Variants in TACR3 observed in about 807,000 individuals in gnomAD.
TACR3 encodes the protein tachykinin receptor 3, also known as neuromedin-K receptor.
TACR3 carries 34 observed loss-of-function variants against 35.0 expected under a neutral mutation model. The observed-to-expected ratio is 0.97, with a 90% CI of 0.74 to 1.30. TACR3 has a LOEUF of 1.30. TACR3 is among the 50% of genes most tolerant of loss of function. The pLI, the probability that TACR3 is intolerant of heterozygous loss-of-function variation, is 0.00. For missense variants in TACR3, 558 were observed against 591.7 expected (o/e 0.94, Z 0.59); for synonymous variants, 233 against 221.1 (o/e 1.05, Z -0.48).
At chr4:103,638,710 C>A (rs1725270525) in intron 3 of TACR3, among the ~76,000 whole-genome samples, 1 of 152,128 alleles carries the variant, frequency 6.6e-6, no homozygotes, top group Admixed American at 6.5e-5. Context: ...GGGCTACTAT[C>A]CAGAATCTAC....
chr4:103,595,403 C>A (rs1025702466), intron 3 of TACR3, among the ~76,000 whole-genome samples: 4 of 151,960 alleles, frequency 2.6e-5, no homozygotes, highest in Non-Finnish European at 5.9e-5. Flanking sequence ...GTAATGTAGC[C>A]CTTACAAAGT....
rs1267418438 is a variant in TACR3, at chr4:103,629,635, A to G, written c.888+26559T>C. On this transcript the variant is annotated intron_variant, in intron 3 of 4. Coordinates refer to ENST00000304883, the MANE Select transcript of TACR3 (RefSeq NM_001059.3). ...ACTACAAACCACTGCTCAATGAAATAAAAGAGTACACAAACAAATGGAAGA... is the reference window on the plus strand; with the variant it reads ...ACTACAAACCACTGCTCAATGAAATGAAAGAGTACACAAACAAATGGAAGA... 3.3e-5 allele frequency among the ~76,000 whole-genome samples: 5 copies of G among 152,246 alleles called. No individual in the cohort carries two copies. In the East Asian group the frequency reaches 9.7e-4, roughly 29 times the overall value.
In TACR3 at chr4:103,591,523, A is replaced by G. The variant is rs779352098; in HGVS notation, c.1049T>C (p.Met350Thr). Residue 350 changes from methionine to threonine, a missense_variant, in exon 4 of 5, where the codon ATG becomes ACG. Coordinates refer to ENST00000304883, the MANE Select transcript of TACR3 (RefSeq NM_001059.3). The stretch of plus-strand genomic sequence containing the variant: ...ACAGCAGTAGATGATGGGATTGTAC[A>G]TGGTTGAGCTCATTGCCAGCCAAAA... ...ASFWLAMSST[M>T]YNPIIYCCLN... 3 of 1,613,770 alleles carry G rather than the reference A, an allele frequency of 1.9e-6. No individual in the cohort carries two copies. Among genetic ancestry groups the G allele is most frequent in the Non-Finnish European group, 2.5e-6 (3 of 1,179,836 alleles).
intron 3 of TACR3, among the ~76,000 whole-genome samples, chr4:103,626,644 T>C (rs895817706): frequency 4.6e-5 from 7 of 152,164 alleles, no homozygotes; most frequent in South Asian, 4.1e-4. Context: ...TTATATTTGA[T>C]GTTGATAAAT....
At chr4:103,617,367 T>C (rs1312937390) in intron 3 of TACR3, among the ~76,000 whole-genome samples, 1 of 152,198 alleles carries the variant, frequency 6.6e-6, no homozygotes, top group Non-Finnish European at 1.5e-5. Context: ...AAACATTTCA[T>C]TTTAATCATG....
intron 1 of TACR3, 30 bp downstream of exon 1, chr4:103,719,098 C>T (rs1263263710): frequency 6.2e-7 from 1 of 1,613,742 alleles, no homozygotes; most frequent in Non-Finnish European, 8.5e-7. Flanking sequence ...TCCCTTCTCC[C>T]TCTTTCCTCT....
intron 1 of TACR3, among the ~76,000 whole-genome samples, chr4:103,666,533 C>A (rs1725939235): frequency 6.6e-6 from 1 of 152,064 alleles, no homozygotes; most frequent in South Asian, 2.1e-4. Flanking sequence ...ATTGCTAATG[C>A]ATGAATGCTT....
chr4:103,670,718 G>A (rs963195696), intron 1 of TACR3, among the ~76,000 whole-genome samples: 21 of 151,856 alleles, frequency 1.4e-4, no homozygotes, highest in African/African-American at 5.1e-4. Flanking sequence ...TTCATTTTTA[G>A]TGGAGTCTTT....
At chr4:103,696,283 T>C (rs1218186489) in intron 1 of TACR3, among the ~76,000 whole-genome samples, 1 of 152,166 alleles carries the variant, frequency 6.6e-6, no homozygotes, top group Non-Finnish European at 1.5e-5. Flanking sequence ...AATACAATTT[T>C]CCTGTAATCT....
chr4:103,631,279 A>G (rs1021747312), intron 3 of TACR3, among the ~76,000 whole-genome samples: 1 of 152,138 alleles, frequency 6.6e-6, no homozygotes, highest in Non-Finnish European at 1.5e-5. Context: ...ATACCTGTGT[A>G]TCAACACTGC....
At chr4:103,638,396 G>A (rs562289329) in intron 3 of TACR3, among the ~76,000 whole-genome samples, 4,254 of 151,940 alleles carry the variant, frequency 0.028, 74 homozygotes, top group Admixed American at 0.043. Context: ...TATGTAGAAA[G>A]CTGAAACTGG....
intron 3 of TACR3, among the ~76,000 whole-genome samples, chr4:103,646,494 A>G (rs1289318389): frequency 6.6e-6 from 1 of 151,968 alleles, no homozygotes; most frequent in Admixed American, 6.6e-5. Context: ...ATGTCCAATC[A>G]TACAGCTGTT....
chr4:103,613,570 G>A (rs564898005), intron 3 of TACR3, among the ~76,000 whole-genome samples: 1 of 151,544 alleles, frequency 6.6e-6, no homozygotes. Flanking sequence ...CTTGTGATCT[G>A]CCCACCTTGG....
intron 1 of TACR3, among the ~76,000 whole-genome samples, chr4:103,687,277 C>A (rs907311822): frequency 1.3e-4 from 20 of 152,092 alleles, no homozygotes; most frequent in Non-Finnish European, 2.5e-4. Flanking sequence ...ATGACAAATC[C>A]ACAGCCAATA....
In TACR3 at chr4:103,608,262, T is replaced by C. The variant is rs1324539806; in HGVS notation, c.889-16579A>G. ...TAAAATCATGTCCTTTGCAGCAACA[T>C]GGATGCAGCTGGAGGCCATAATCCT... On this transcript the variant is annotated intron_variant, in intron 3 of 4. Coordinates refer to ENST00000304883, the MANE Select transcript of TACR3 (RefSeq NM_001059.3). Among the ~76,000 whole-genome samples, 3 of 152,044 alleles carry C rather than the reference T, an allele frequency of 2.0e-5. No individual in the cohort carries two copies. In the East Asian group the frequency reaches 5.8e-4, roughly 29 times the overall value.
At chr4:103,596,836 G>A (rs924700410) in intron 3 of TACR3, among the ~76,000 whole-genome samples, 13 of 151,386 alleles carry the variant, frequency 8.6e-5, no homozygotes, top group African/African-American at 3.2e-4. Context: ...TCCCACCTGT[G>A]AGTGAGAACA....
rs369830151 is a variant in TACR3, at chr4:103,645,997, A to G, written c.888+10197T>C. Among the ~76,000 whole-genome samples the G allele has an allele frequency of 3.9e-5, 6 of 152,140 alleles. 1 individual carries two copies. The South Asian group carries it at 1.2e-3, about 32-fold the overall frequency. ...ACAGCATGCAAAACCTGTCATGTAC[A>G]TGGCACGGAGCTCTTGGCTTTCCTA... On this transcript the variant is annotated intron_variant, in intron 3 of 4. Transcript: ENST00000304883.
In TACR3 at chr4:103,719,244, G is replaced by T. The variant is rs769086092; in HGVS notation, c.432C>A (p.Ile144=). The part of the protein sequence containing the change: ...MAAFNTLVNF[I]YALHSEWYFG... ...AGTACCACTCGCTATGAAGCGCGTA[G>T]ATGAAATTGACCAACGTGTTGAAGG... Residue 144 remains isoleucine, a synonymous_variant, in exon 1 of 5, where the codon ATC becomes ATA. Transcript: ENST00000304883. 2.5e-6 allele frequency: 4 copies of T among 1,614,136 alleles called. No homozygotes were observed. The African/African-American group carries it at 4.0e-5, about 16-fold the overall frequency.
At chr4:103,601,416 G>T (rs1724198807) in intron 3 of TACR3, among the ~76,000 whole-genome samples, 1 of 152,128 alleles carries the variant, frequency 6.6e-6, no homozygotes, top group Non-Finnish European at 1.5e-5. Context: ...GTGTGAATTT[G>T]ATCCTGTCAT....
Sources: gnomAD v4.1 joint callset for allele counts (sites outside exome capture counted in the v4.1 genomes callset) on GRCh38, gnomAD v4.1.1 for gene constraint, MANE v1.5 for transcripts, NCBI Gene and HGNC (gene_info 2026-07-23, HGNC 2026-07-21) for gene names.